Variants in GPHN observed in about 807,000 individuals in gnomAD.
The protein encoded by GPHN is gephyrin.
A neutral mutation model predicts 95.5 loss-of-function variants in GPHN; 17 were observed. That is an observed-to-expected ratio of 0.18 (90% CI 0.12 to 0.27). The LOEUF (loss-of-function observed/expected upper bound fraction) is 0.27. GPHN is among the 10% of genes least tolerant of loss of function. The probability of loss-of-function intolerance (pLI) is 1.00; values close to 1 mark genes in which losing one functional copy is unlikely to be tolerated. For missense variants in GPHN, 660 were observed against 978.1 expected (o/e 0.67, Z 4.34); for synonymous variants, 320 against 322.5 (o/e 0.99, Z 0.08).
At chr14:67,171,786 A>G (rs1463974841) in intron 21 of GPHN, among the ~76,000 whole-genome samples, 1 of 152,214 alleles carries the variant, frequency 6.6e-6, no homozygotes, top group African/African-American at 2.4e-5. Context: ...GGATGGTCAC[A>G]TCGAGAACAG....
chr14:66,694,279 A>G (rs933184275), intron 2 of GPHN, among the ~76,000 whole-genome samples: 2 of 152,128 alleles, frequency 1.3e-5, no homozygotes, highest in African/African-American at 2.4e-5. Flanking sequence ...ATCAATCAGG[A>G]AGTAGGCCTT....
chr14:66,981,778 G>C (rs2070697112), intron 9 of GPHN, among the ~76,000 whole-genome samples: 1 of 152,132 alleles, frequency 6.6e-6, no homozygotes, highest in Non-Finnish European at 1.5e-5. Context: ...ATGTATTATG[G>C]AGAGAAGGGG....
intron 1 of GPHN, among the ~76,000 whole-genome samples, chr14:66,576,315 T>C (rs911066865): frequency 2.0e-5 from 3 of 152,108 alleles, no homozygotes; most frequent in African/African-American, 2.4e-5. Context: ...ATAACACAAA[T>C]GTTTGGCTCT....
the GPHN span, among the ~76,000 whole-genome samples, chr14:67,358,822 TGC>T: frequency 6.6e-6 from 1 of 152,224 alleles, no homozygotes; most frequent in East Asian, 1.9e-4. Context: ...TACAGTGATA[TGC>T]CATTTTCCTG....
intron 1 of GPHN, among the ~76,000 whole-genome samples, chr14:66,640,578 A>G (rs1418293813): frequency 2.0e-5 from 3 of 152,312 alleles, no homozygotes; most frequent in Non-Finnish European, 2.9e-5. Context: ...TTATTGTTAT[A>G]CTATGAAATG....
intron 5 of GPHN, among the ~76,000 whole-genome samples, chr14:66,889,441 G>A (rs1349851653): frequency 6.6e-6 from 1 of 152,120 alleles, no homozygotes; most frequent in Non-Finnish European, 1.5e-5. Context: ...AAAAGAGGAT[G>A]AAGTTCGAAA....
chr14:66,871,200 C>T (rs2063420733), intron 4 of GPHN, among the ~76,000 whole-genome samples: 2 of 152,122 alleles, frequency 1.3e-5, no homozygotes, highest in Admixed American at 1.3e-4. Flanking sequence ...ATAGTAGATG[C>T]TTAATAAATA....
At chr14:67,159,526 G>T (rs202054433) in intron 19 of GPHN, 38 bp downstream of exon 19, 39 of 1,223,544 alleles carry the variant, frequency 3.2e-5, no homozygotes, top group Middle Eastern at 1.9e-4. Flanking sequence ...TATGGGGTTG[G>T]TTTGGCTTGC....
chr14:67,690,224 G>A, the GPHN span: 160 of 1,613,082 alleles, frequency 9.9e-5, 1 homozygote, highest in Admixed American at 1.8e-4. Flanking sequence ...TTTAGTCTCC[G>A]GGCCAGTTCC....
intron 1 of GPHN, among the ~76,000 whole-genome samples, chr14:66,554,759 C>G (rs570829885): frequency 2.6e-5 from 4 of 152,254 alleles, no homozygotes; most frequent in African/African-American, 9.6e-5. Flanking sequence ...CTTGTACAAA[C>G]TTTAGAAATG....
the GPHN span, among the ~76,000 whole-genome samples, chr14:67,532,919 C>T: frequency 4.0e-5 from 6 of 151,898 alleles, no homozygotes; most frequent in Non-Finnish European, 8.8e-5. Flanking sequence ...AGCAGATCCC[C>T]GGGGCGCTCT....
chr14:67,473,269 C>G, the GPHN span: 1 of 1,074,442 alleles, frequency 9.3e-7, no homozygotes, highest in African/African-American at 1.6e-5. The surrounding 1 kb of genome is among the most constrained non-coding windows in gnomAD (Gnocchi z 6.5). Flanking sequence ...AACACCGGCC[C>G]CCGCGGACGT....
the GPHN span, among the ~76,000 whole-genome samples, chr14:67,666,355 C>T: frequency 6.6e-6 from 1 of 152,232 alleles, no homozygotes; most frequent in Non-Finnish European, 1.5e-5. Context: ...AACCTCTCTC[C>T]TTTCACTAAC....
intron 8 of GPHN, among the ~76,000 whole-genome samples, chr14:66,941,432 G>A (rs1490748455): frequency 6.6e-6 from 1 of 152,110 alleles, no homozygotes; most frequent in East Asian, 1.9e-4. Flanking sequence ...TTAAAGTGAA[G>A]CCCAGCCATG....
chr14:67,071,218 G>A (rs2153657242), intron 11 of GPHN, among the ~76,000 whole-genome samples: 1 of 152,208 alleles, frequency 6.6e-6, no homozygotes, highest in Non-Finnish European at 1.5e-5. Context: ...CAATAGCAAA[G>A]ACTTGGAACC....
At chr14:67,158,239 G>A (rs1292031617) in intron 18 of GPHN, among the ~76,000 whole-genome samples, 2 of 151,084 alleles carry the variant, frequency 1.3e-5, no homozygotes, top group Non-Finnish European at 2.9e-5. Context: ...CCCAGGAGGA[G>A]GAGGATGCAG....
At chr14:66,853,023 T>C (rs1405790141) in intron 4 of GPHN, among the ~76,000 whole-genome samples, 1 of 152,232 alleles carries the variant, frequency 6.6e-6, no homozygotes, top group Admixed American at 6.5e-5. Context: ...TTCTAATTGC[T>C]CTGATATACC....
the GPHN span, among the ~76,000 whole-genome samples, chr14:67,426,526 G>A: frequency 2.0e-5 from 3 of 152,182 alleles, no homozygotes; most frequent in Admixed American, 6.5e-5. Flanking sequence ...CTGTGAAATG[G>A]TAGGCTGCCG....
rs553551938 is a variant in GPHN at position 66,655,661 on chromosome 14, C to CT, written c.65-25435dup. ...GAATAAGAGTAGTGAGAGCATATAT[C>CT]TTTTTTTTTTTGTTCCTGGTCTTTG... On this transcript the variant is annotated intron_variant, in intron 1 of 22. Transcript: ENST00000478722. Among the ~76,000 whole-genome samples the CT allele has an allele frequency of 2.8e-3, 406 of 145,764 alleles. 6 individuals are homozygous for CT. The highest frequency in any genetic ancestry group is 5.6e-3 in the African/African-American group (226 of 40,010).
Sources: gnomAD v4.1 joint callset for allele counts (sites outside exome capture counted in the v4.1 genomes callset) on GRCh38, gnomAD v4.1.1 for gene constraint, Gnocchi (gnomAD v3.1) non-coding constraint, MANE v1.5 for transcripts, NCBI Gene and HGNC (gene_info 2026-07-23, HGNC 2026-07-21) for gene names.